The following PLAA variants were observed in gnomAD, a reference collection of about 807,000 sequenced individuals.
PLAA encodes phospholipase A2 activating protein.
In PLAA, 48 loss-of-function variants were observed where a neutral mutation model predicts 84.1. That is an observed-to-expected ratio of 0.57 (90% CI 0.45 to 0.73). The LOEUF is 0.73. Ranked by LOEUF, PLAA falls within the 30% of genes least tolerant of loss-of-function variation. The pLI, the probability that PLAA is intolerant of heterozygous loss-of-function variation, is 0.00. For synonymous variants in PLAA, 392 were observed against 336.6 expected, an observed-to-expected ratio of 1.16 and a Z score of -1.80; for missense variants, 903 against 954.7, an observed-to-expected ratio of 0.95 and a Z score of 0.71.
chr9:26,909,468 T>C (rs1054542965), intron 12 of PLAA, among the ~76,000 whole-genome samples: 2 of 152,200 alleles, frequency 1.3e-5, no homozygotes, highest in Non-Finnish European at 1.5e-5. Flanking sequence ...TACGTTATGT[T>C]AACCCAATTA....
intron 6 of PLAA, 36 bp downstream of exon 6, chr9:26,925,789 C>A (rs746115207): frequency 2.0e-5 from 32 of 1,601,544 alleles, no homozygotes; most frequent in Non-Finnish European, 2.7e-5. Context: ...AAGGCCTAGA[C>A]ATATAACATT....
rs34134451 is a variant in PLAA at position 26,942,877 on chromosome 9, C to CAAA, written c.149+4017_149+4019dup. ...CTGGGCGACAGAGCGAGACTCGTCT[C>CAAA]AAAAAAAAAAAAAAAAAAAAAGGCA... On this transcript the variant is annotated intron_variant, in intron 1 of 13. Coordinates refer to ENST00000397292, the MANE Select transcript of PLAA (RefSeq NM_001031689.3). Among the ~76,000 whole-genome samples the CAAA allele has an allele frequency of 1.2e-3, 63 of 51,280 alleles. 5 individuals are homozygous for CAAA. The highest frequency in any genetic ancestry group is 7.7e-3 in the East Asian group (16 of 2,090). The allele number at this position is 51,280 out of a possible 152,430, so 33.6% of individuals were successfully genotyped here.
chr9:26,946,824 G>T, intron 1 of PLAA, 73 bp downstream of exon 1: 1 of 1,467,762 alleles, frequency 6.8e-7, no homozygotes, highest in Non-Finnish European at 9.1e-7. Flanking sequence ...GGACTGACAG[G>T]GAAGGGTCAC....
At chr9:26,914,206 T>C (rs548360511) in intron 10 of PLAA, among the ~76,000 whole-genome samples, 8 of 152,268 alleles carry the variant, frequency 5.3e-5, no homozygotes, top group East Asian at 1.9e-4. Flanking sequence ...TGTAAGTGGA[T>C]TGGAGAGAAA....
Position 26,919,407 on chromosome 9 carries a change from A to T in PLAA, c.1320T>A (p.Asn440Lys), listed in dbSNP as rs1268081422. 1.2e-6 allele frequency: 2 copies of T among 1,612,400 alleles called. No homozygotes were observed. The highest frequency in any genetic ancestry group is 1.7e-6 in the Non-Finnish European group (2 of 1,178,726). ...AYNFLQKNDLNPMFLDQVAKF... is the reference protein window; with the variant it reads ...AYNFLQKNDLKPMFLDQVAKF... ...TAGCTACTTGATCCAGAAACATAGG[A>T]TTCAAATCATTCTTCTGTAAGAAGT... Residue 440 changes from asparagine to lysine, a missense_variant, in exon 9 of 14, where the codon AAT (asparagine) becomes AAA (lysine). By Grantham distance (94) the Asn-to-Lys change is moderately conservative. Transcript: ENST00000397292.
At chr9:26,938,675 C>T (rs1825434480) in intron 1 of PLAA, among the ~76,000 whole-genome samples, 1 of 151,106 alleles carries the variant, frequency 6.6e-6, no homozygotes, top group Admixed American at 6.6e-5. Context: ...AGACTTGAAG[C>T]AATATGAAGA....
intron 1 of PLAA, among the ~76,000 whole-genome samples, chr9:26,938,321 T>C (rs546316036): frequency 6.6e-6 from 1 of 152,174 alleles, no homozygotes; most frequent in African/African-American, 2.4e-5. Flanking sequence ...TGCAGAGTGC[T>C]GCGACCACAC....
intron 11 of PLAA, among the ~76,000 whole-genome samples, chr9:26,912,478 T>A (rs187315011): frequency 9.1e-4 from 138 of 152,296 alleles, no homozygotes; most frequent in Non-Finnish European, 1.7e-3. Flanking sequence ...GTCTGCAATA[T>A]GGATCATCGA....
At chr9:26,945,897 T>C (rs966877296) in intron 1 of PLAA, among the ~76,000 whole-genome samples, 6 of 152,334 alleles carry the variant, frequency 3.9e-5, no homozygotes, top group Non-Finnish European at 7.3e-5. Context: ...TTAATATATC[T>C]CTCCACCTAA....
At position 26,920,260 on chromosome 9, in the gene PLAA, C is replaced by T. The variant is rs1824716616; in HGVS notation, c.1164G>A (p.Gln388=). The change falls in exon 8 of 14, where the codon CAG becomes CAA. Residue 388 remains glutamine, a synonymous_variant. Coordinates refer to ENST00000397292, the MANE Select transcript of PLAA (RefSeq NM_001031689.3). ...GDVVGSSGAN[Q]QTSGKVLYEG... is the part of the protein sequence containing the mutation. ...CATATAAAACTTTTCCAGATGTTTG[C>T]TGATTAGCACCAGATGAGCCAACAA... 1 of 1,613,744 alleles carries T rather than the reference C, an allele frequency of 6.2e-7. No homozygotes were observed. Among genetic ancestry groups the T allele is most frequent in the Admixed American group, 1.7e-5 (1 of 59,978 alleles).
At chr9:26,943,294 G>T (rs559240110) in intron 1 of PLAA, among the ~76,000 whole-genome samples, 2 of 152,268 alleles carry the variant, frequency 1.3e-5, no homozygotes, top group East Asian at 3.9e-4. Flanking sequence ...TTTTCAAAGG[G>T]CTTTTGTGAA....
At chr9:26,910,042 T>G (rs990013097) in intron 12 of PLAA, among the ~76,000 whole-genome samples, 6 of 152,206 alleles carry the variant, frequency 3.9e-5, no homozygotes, top group African/African-American at 1.2e-4. Flanking sequence ...ATTCATTAAT[T>G]TTTTTTGAAA....
chr9:26,921,158 T>A (rs1824745435), intron 7 of PLAA, among the ~76,000 whole-genome samples: 1 of 152,182 alleles, frequency 6.6e-6, no homozygotes, highest in Non-Finnish European at 1.5e-5. Context: ...AGAGCCTTTG[T>A]ATTAGCTGTT....
Position 26,907,946 on chromosome 9 carries a change from C to T in PLAA, c.1710G>A (p.Glu570=), listed in dbSNP as rs918261879. Residue 570 remains glutamate, a synonymous_variant, in exon 13 of 14, where the codon GAG becomes GAA. Coordinates refer to ENST00000397292, the MANE Select transcript of PLAA (RefSeq NM_001031689.3). ...GTAPEEKKLT[E]DDLILLEKIL... ...TCTTCTCAAGAAGTATCAAGTCATCCTCAGTTAACTTCTTCTCTTCAGGTG... is the reference window on the plus strand; with the variant it reads ...TCTTCTCAAGAAGTATCAAGTCATCTTCAGTTAACTTCTTCTCTTCAGGTG... 6.2e-7 allele frequency: 1 copy of T among 1,609,568 alleles called. No individual in the cohort carries two copies. The highest frequency in any genetic ancestry group is 8.5e-7 in the Non-Finnish European group (1 of 1,178,808).
chr9:26,928,480 A>T, intron 2 of PLAA, 72 bp from the exon 3 acceptor site: 1 of 1,054,952 alleles, frequency 9.5e-7, no homozygotes, highest in Non-Finnish European at 1.5e-6. Context: ...TTACTAAAGC[A>T]TTCCAATTTT....
intron 13 of PLAA, 71 bp from the exon 14 acceptor site, chr9:26,906,147 GATTTT>G (rs1824230692): frequency 3.9e-6 from 4 of 1,032,156 alleles, no homozygotes; most frequent in South Asian, 5.8e-5. Flanking sequence ...GACTTTGAAG[GATTTT>G]ATTTTCCCAC....
At chr9:26,906,609 GT>G (rs1824245318) in intron 13 of PLAA, among the ~76,000 whole-genome samples, 1 of 151,952 alleles carries the variant, frequency 6.6e-6, no homozygotes, top group African/African-American at 2.4e-5. Flanking sequence ...TGTATTGTTA[GT>G]AGAGACGAGG....
chr9:26,914,793 CTTTTCTAAATATGG>C (rs981386323), intron 10 of PLAA, among the ~76,000 whole-genome samples: 2 of 152,182 alleles, frequency 1.3e-5, no homozygotes, highest in African/African-American at 4.8e-5. Flanking sequence ...CACTCTCACA[CTTTTCTAAATATGG>C]TTTTCTGACC....
chr9:26,937,113 C>T (rs1222301173), intron 1 of PLAA, among the ~76,000 whole-genome samples: 1 of 151,978 alleles, frequency 6.6e-6, no homozygotes, highest in African/African-American at 2.4e-5. Flanking sequence ...CGCACTCCAG[C>T]CTGGGGGGAC....
Sources: allele counts gnomAD v4.1 joint callset (sites outside exome capture counted in the v4.1 genomes callset), GRCh38; gene constraint gnomAD v4.1.1; transcripts MANE v1.5; gene names NCBI Gene and HGNC (gene_info 2026-07-23, HGNC 2026-07-21).